PARP4: variants seen among roughly 807,000 people sequenced by gnomAD.
The protein encoded by PARP4 is poly(ADP-ribose) polymerase family member 4.
In PARP4, 120 loss-of-function variants were observed where a neutral mutation model predicts 187.7. The observed-to-expected ratio is 0.64, with a 90% CI of 0.55 to 0.74. PARP4 has a LOEUF of 0.74. Ranked by LOEUF, PARP4 falls within the 30% of genes least tolerant of loss-of-function variation. The pLI, the probability that PARP4 is intolerant of heterozygous loss-of-function variation, is 0.00. For synonymous variants in PARP4, 654 were observed against 740.9 expected (o/e 0.88, Z 1.90); for missense variants, 1,836 against 2,070.5 (o/e 0.89, Z 2.20).
chr13:24,490,620 A>G (rs774893630), intron 10 of PARP4, 48 bp downstream of exon 10: 2 of 1,456,004 alleles, frequency 1.4e-6, no homozygotes, highest in East Asian at 4.6e-5. Flanking sequence ...CGGAGTCTCA[A>G]AGAGCATTAT....
rs1489618385 is a variant in PARP4, at chr13:24,436,993, G to A, written c.3667-1519C>T. 3.3e-5 allele frequency among the ~76,000 whole-genome samples: 5 copies of A among 152,202 alleles called. No homozygotes were observed. The East Asian group carries it at 9.6e-4, about 29-fold the overall frequency. On this transcript the variant is annotated intron_variant, in intron 30 of 33. Transcript: ENST00000381989. ...GCAAACTGGAAAAAACCAATCAATA[G>A]TGATGGACTAGAACTATCAGATATT...
chr13:24,428,375 T>C (rs1870167763), intron 32 of PARP4, among the ~76,000 whole-genome samples: 1 of 152,234 alleles, frequency 6.6e-6, no homozygotes, highest in African/African-American at 2.4e-5. Flanking sequence ...GTCCACCTTC[T>C]TTCTTTGGGT....
rs373118199 is a variant in PARP4, at chr13:24,486,301, T to C, written c.1219A>G (p.Ser407Gly). Residue 407 changes from serine (S) to glycine (G), a missense_variant, in exon 11 of 34, where the codon AGC (serine) becomes GGC (glycine). By Grantham distance (56) the Ser-to-Gly change is moderately conservative. Coordinates refer to ENST00000381989, the MANE Select transcript of PARP4 (RefSeq NM_006437.4). ...KEVLQNHHSK[S>G]PVDVLQIFRV... is the part of the protein sequence containing the mutation. ...AATATCTGCAAGACATCCACTGGGC[T>C]CTTACTGTAAGAATTAGAAGAAAAG... 1 of 1,579,954 alleles carries C rather than the reference T, an allele frequency of 6.3e-7. No individual in the cohort carries two copies. The highest frequency in any genetic ancestry group is 8.7e-7 in the Non-Finnish European group (1 of 1,152,184).
chr13:24,474,197 C>T (rs537625806), intron 15 of PARP4, among the ~76,000 whole-genome samples: 51 of 152,286 alleles, frequency 3.3e-4, no homozygotes, highest in East Asian at 1.9e-3. Flanking sequence ...TCTTGTGTCC[C>T]GTCCCCACCA....
intron 32 of PARP4, among the ~76,000 whole-genome samples, chr13:24,427,426 G>A (rs1457478702): frequency 2.1e-5 from 3 of 142,870 alleles, no homozygotes; most frequent in Non-Finnish European, 4.5e-5. Context: ...CTGGAGTGCA[G>A]TGGGTGTGAT....
At chr13:24,424,572 A>G (rs1869919244) in intron 33 of PARP4, among the ~76,000 whole-genome samples, 1 of 152,194 alleles carries the variant, frequency 6.6e-6, no homozygotes, top group Non-Finnish European at 1.5e-5. Flanking sequence ...TAACAAATCA[A>G]AAGTATTATT....
chr13:24,475,621 A>G (rs1396424648), intron 14 of PARP4, 25 bp from the exon 15 acceptor site: 2 of 1,609,486 alleles, frequency 1.2e-6, no homozygotes, highest in Admixed American at 3.3e-5. Flanking sequence ...TGTTACTATT[A>G]GCTTTCAAAA....
chr13:24,434,209 C>T (rs1395880329), intron 31 of PARP4, among the ~76,000 whole-genome samples, 186 bp downstream of exon 31: 1 of 152,186 alleles, frequency 6.6e-6, no homozygotes, highest in African/African-American at 2.4e-5. Context: ...TTTTGTTCAG[C>T]TGTCTGTTTT....
chr13:24,481,692 CAAAAAAGA>C (rs1418310929), intron 12 of PARP4, among the ~76,000 whole-genome samples: 3 of 151,380 alleles, frequency 2.0e-5, no homozygotes, highest in African/African-American at 7.3e-5. Flanking sequence ...AACTCCATCT[CAAAAAAGA>C]AAAAAAGAAA....
intron 10 of PARP4, among the ~76,000 whole-genome samples, chr13:24,488,996 G>A (rs185015379): frequency 5.3e-5 from 8 of 152,146 alleles, no homozygotes; most frequent in Admixed American, 1.3e-4. Context: ...TTTCATGGCC[G>A]AATAATATTC....
intron 1 of PARP4, among the ~76,000 whole-genome samples, chr13:24,505,815 G>A (rs9578756): frequency 0.014 from 2,172 of 152,328 alleles, 60 homozygotes; most frequent in African/African-American, 0.049. Flanking sequence ...GCCATTTGGC[G>A]ACAGCAGTTT....
intron 30 of PARP4, among the ~76,000 whole-genome samples, chr13:24,435,925 AAAAAAAAAAAAG>A (rs1345600579): frequency 6.0e-4 from 67 of 110,838 alleles, no homozygotes; most frequent in Admixed American, 5.4e-4. Context: ...TCAAAAAAAA[AAAAAAAAAAAAG>A]AAAGAAAGAA....
intron 1 of PARP4, among the ~76,000 whole-genome samples, chr13:24,506,747 G>C (rs929673088): frequency 6.6e-6 from 1 of 152,222 alleles, no homozygotes; most frequent in Non-Finnish European, 1.5e-5. Context: ...CAGGAGCCCA[G>C]CTGGCTTCAC....
At position 24,434,840 on chromosome 13, in the gene PARP4, G is replaced by C. The variant is rs1231059190; in HGVS notation, c.4301C>G (p.Ser1434Cys). The change falls in exon 31 of 34, where the codon TCT (serine) becomes TGT (cysteine). Residue 1434 changes from serine (S) to cysteine (C), a missense_variant. Ser to Cys is a moderately radical substitution (Grantham distance 112). Coordinates refer to ENST00000381989, the MANE Select transcript of PARP4 (RefSeq NM_006437.4). ...PSAGTFPELDSPQLHFSLPTD... is the reference protein window; with the variant it reads ...PSAGTFPELDCPQLHFSLPTD... ...AGGAAGAGAGAAATGAAGCTGGGGA[G>C]AATCCAGCTCAGGGAAGGTGCCAGC... is the stretch of plus-strand genomic sequence containing the variant. 1 of 1,613,580 alleles carries C rather than the reference G, an allele frequency of 6.2e-7. No homozygotes were observed.
At chr13:24,458,407 C>T (rs1054834752) in intron 20 of PARP4, among the ~76,000 whole-genome samples, 9 of 149,372 alleles carry the variant, frequency 6.0e-5, no homozygotes, top group South Asian at 2.1e-4. Context: ...CCGCACTCAG[C>T]CAAGTTTTTT....
intron 7 of PARP4, among the ~76,000 whole-genome samples, chr13:24,494,067 G>C (rs1406483420): frequency 6.6e-6 from 1 of 152,166 alleles, no homozygotes; most frequent in East Asian, 1.9e-4. Context: ...TCTCCCAAAA[G>C]CTGGGAGGGT....
chr13:24,424,599 C>T (rs932904379), intron 33 of PARP4, among the ~76,000 whole-genome samples: 2 of 152,064 alleles, frequency 1.3e-5, no homozygotes, highest in African/African-American at 4.8e-5. Flanking sequence ...ATGACTACTC[C>T]CAGTGAGATT....
intron 9 of PARP4, 141 bp downstream of exon 9, chr13:24,492,279 TA>T: frequency 3.4e-6 from 2 of 584,068 alleles, no homozygotes; most frequent in Non-Finnish European, 5.8e-6. Context: ...CAGGGCTTTC[TA>T]AAATGGTTCA....
intron 10 of PARP4, among the ~76,000 whole-genome samples, chr13:24,487,052 G>C (rs1873599569): frequency 6.8e-6 from 1 of 147,784 alleles, no homozygotes; most frequent in South Asian, 2.1e-4. Flanking sequence ...ATGAGGTCAG[G>C]AGATCAAGAC....
Sources: gnomAD v4.1 joint callset for allele counts (sites outside exome capture counted in the v4.1 genomes callset) on GRCh38, gnomAD v4.1.1 for gene constraint, MANE v1.5 for transcripts, NCBI Gene and HGNC (gene_info 2026-07-23, HGNC 2026-07-21) for gene names.